The following PSMD11 variants were observed in gnomAD, a reference collection of about 807,000 sequenced individuals.
PSMD11 encodes proteasome 26S subunit, non-ATPase 11.
A neutral mutation model predicts 62.3 loss-of-function variants in PSMD11; 5 were observed. The ratio of observed to expected loss-of-function variants is 0.08; its 90% confidence interval spans 0.04 to 0.17. The LOEUF is 0.17. Among genes scored for constraint, PSMD11 ranks in the 10% least tolerant of loss-of-function variants. PSMD11 has a pLI of 1.00. For missense variants in PSMD11, 310 were observed against 512.9 expected (o/e 0.60, Z 3.82); for synonymous variants, 191 against 191.8 (o/e 1.00, Z 0.03).
intron 7 of PSMD11, 93 bp downstream of exon 7, chr17:32,474,038 A>G: frequency 2.0e-6 from 3 of 1,477,536 alleles, no homozygotes; most frequent in Non-Finnish European, 2.8e-6. Context: ...GAGTTTGGCC[A>G]GTTACAGAAA....
At chr17:32,461,380 A>G (rs900124754) in intron 3 of PSMD11, among the ~76,000 whole-genome samples, 8 of 152,078 alleles carry the variant, frequency 5.3e-5, no homozygotes, top group Non-Finnish European at 1.2e-4. Flanking sequence ...CCCGACCCAC[A>G]ATAGCACGTT....
rs186936905 is a variant in PSMD11 at position 32,468,861 on chromosome 17, T to A, written c.449-138T>A. 9.5e-5 allele frequency: 61 copies of A among 642,144 alleles called. No homozygotes were observed. The East Asian group carries it at 1.9e-3, about 20-fold the overall frequency. 39.8% of individuals were successfully genotyped at this position (642,144 alleles called of 1,614,324 possible). On this transcript the variant is annotated intron_variant, in intron 5 of 13. Transcript: ENST00000261712. ...ATTAGTGGAAAATTTAATTATTGCA[T>A]GGGGTCTAGAGGTAACCTTTTTTGA...
chr17:32,479,024 A>G (rs1038248064), intron 9 of PSMD11, among the ~76,000 whole-genome samples: 1 of 152,140 alleles, frequency 6.6e-6, no homozygotes, highest in Non-Finnish European at 1.5e-5. Context: ...GTCCTCCCAC[A>G]TGAGCCTCCC....
intron 2 of PSMD11, among the ~76,000 whole-genome samples, chr17:32,453,511 C>T (rs905452917): frequency 3.3e-5 from 5 of 152,090 alleles, no homozygotes; most frequent in East Asian, 3.9e-4. Flanking sequence ...TCTTAAGTAC[C>T]GGACACAGTC....
chr17:32,464,934 C>T (rs1188654015), intron 5 of PSMD11, among the ~76,000 whole-genome samples: 1 of 152,030 alleles, frequency 6.6e-6, no homozygotes, highest in Non-Finnish European at 1.5e-5. Context: ...AAATGTTTGG[C>T]TTACTGTCCT....
At chr17:32,479,607 T>C in intron 10 of PSMD11, 1 of 699,446 alleles carries the variant, frequency 1.4e-6, no homozygotes, top group Non-Finnish European at 2.4e-6. Flanking sequence ...TCCTCCTCGC[T>C]TTTAGTCACT....
At chr17:32,462,809 C>G (rs529077824) in intron 3 of PSMD11, among the ~76,000 whole-genome samples, 2 of 152,266 alleles carry the variant, frequency 1.3e-5, no homozygotes, top group South Asian at 4.1e-4. Flanking sequence ...ACCTCAGCCT[C>G]CCGAGTAGCT....
chr17:32,467,423 T>C (rs1908028744), intron 5 of PSMD11, among the ~76,000 whole-genome samples: 1 of 150,966 alleles, frequency 6.6e-6, no homozygotes, highest in Non-Finnish European at 1.5e-5. Context: ...TTTGTATATT[T>C]TTAATAGAGA....
intron 6 of PSMD11, among the ~76,000 whole-genome samples, chr17:32,471,979 C>T (rs892430667): frequency 5.3e-5 from 8 of 152,084 alleles, no homozygotes; most frequent in Non-Finnish European, 1.0e-4. Flanking sequence ...TCACGTGATC[C>T]TCCTACCTCA....
In PSMD11 at chr17:32,464,084, G is replaced by T; in HGVS notation, c.354G>T (p.Lys118Asn). The change falls in exon 4 of 14, where the codon AAG (lysine) becomes AAT (asparagine). Residue 118 changes from lysine to asparagine, a missense_variant. By Grantham distance (94) the Lys-to-Asn change is moderately conservative (BLOSUM62 0). Around this residue, in one of 6 missense-constraint regions of PSMD11, gnomAD observed 47 missense variants for 59.0 expected, o/e 0.80. Transcript: ENST00000261712. ...ELCLECIEWA[K>N]SEKRTFLRQA... ...GTTTAGAGTGCATCGAATGGGCCAAGTCAGAGAAAAGAACTTTCTTACGCC... is the reference window on the plus strand; with the variant it reads ...GTTTAGAGTGCATCGAATGGGCCAATTCAGAGAAAAGAACTTTCTTACGCC... 1 of 1,614,132 alleles carries T rather than the reference G, an allele frequency of 6.2e-7. No individual in the cohort carries two copies.
chr17:32,476,512 T>C (rs1425372247), intron 8 of PSMD11, among the ~76,000 whole-genome samples: 1 of 152,214 alleles, frequency 6.6e-6, no homozygotes, highest in Non-Finnish European at 1.5e-5. Context: ...GTCTACTGTA[T>C]AAGACACACT....
intron 5 of PSMD11, among the ~76,000 whole-genome samples, chr17:32,465,874 C>T (rs1907977743): frequency 6.6e-6 from 1 of 152,132 alleles, no homozygotes; most frequent in Non-Finnish European, 1.5e-5. Context: ...ACTTGTTAGG[C>T]TGAGGCAGAA....
At chr17:32,458,385 C>A (rs1907711427) in intron 3 of PSMD11, among the ~76,000 whole-genome samples, 1 of 152,160 alleles carries the variant, frequency 6.6e-6, no homozygotes, top group Non-Finnish European at 1.5e-5. Context: ...CATGTTGGAT[C>A]CCTGGCTGTT....
intron 3 of PSMD11, 53 bp from the exon 4 acceptor site, chr17:32,463,996 G>A: frequency 6.6e-7 from 1 of 1,518,330 alleles, no homozygotes; most frequent in East Asian, 2.3e-5. Context: ...AGCATGGTTT[G>A]TGGGAAGAAT....
intron 3 of PSMD11, among the ~76,000 whole-genome samples, chr17:32,456,455 C>T (rs566594056): frequency 1.1e-4 from 16 of 152,234 alleles, no homozygotes; most frequent in African/African-American, 3.6e-4. Flanking sequence ...TCACTGCAAC[C>T]CCCGCCTCCC....
chr17:32,477,652 A>G, intron 9 of PSMD11, 69 bp downstream of exon 9: 1 of 1,349,192 alleles, frequency 7.4e-7, no homozygotes, highest in Non-Finnish European at 1.0e-6. Context: ...TTCAAAACAC[A>G]CTTTTAAAAA....
intron 1 of PSMD11, among the ~76,000 whole-genome samples, chr17:32,446,294 G>A (rs918319658): frequency 1.3e-5 from 2 of 152,222 alleles, no homozygotes; most frequent in African/African-American, 4.8e-5. Flanking sequence ...GTTATTAACT[G>A]TTGAAAATAG....
intron 5 of PSMD11, 35 bp from the exon 6 acceptor site, chr17:32,468,964 A>C: frequency 6.3e-7 from 1 of 1,590,858 alleles, no homozygotes; most frequent in Non-Finnish European, 8.6e-7. Flanking sequence ...TATTAAGCTG[A>C]TGGCTATAAA....
intron 2 of PSMD11, among the ~76,000 whole-genome samples, chr17:32,453,748 A>C (rs1284742085): frequency 2.6e-5 from 4 of 152,212 alleles, no homozygotes; most frequent in African/African-American, 9.6e-5. Flanking sequence ...TTTGACAAGC[A>C]TATCTCTAGT....
Sources: allele counts gnomAD v4.1 joint callset (sites outside exome capture counted in the v4.1 genomes callset), GRCh38; gene constraint gnomAD v4.1.1; regional missense constraint gnomAD v4.1.1; transcripts MANE v1.5; gene names NCBI Gene and HGNC (gene_info 2026-07-23, HGNC 2026-07-21).